The following TTC27 variants were observed in gnomAD, a reference collection of about 807,000 sequenced individuals.
The protein encoded by TTC27 is tetratricopeptide repeat protein 27.
In TTC27, 79 loss-of-function variants were observed where a neutral mutation model predicts 115.9. That is an observed-to-expected ratio of 0.68 (90% confidence interval 0.57 to 0.82). TTC27 has a LOEUF of 0.82. Among genes scored for constraint, TTC27 ranks in the 40% least tolerant of loss-of-function variants. The pLI is 0.00. For missense variants in TTC27, 1,054 were observed against 993.1 expected (o/e 1.06, Z -0.82); for synonymous variants, 401 against 356.0 (o/e 1.13, Z -1.42).
In TTC27 at chr2:32,656,890, T is replaced by C. The variant is rs529218912; in HGVS notation, c.640+6657T>C. Among the ~76,000 whole-genome samples, 290 of 152,346 alleles carry C rather than the reference T, an allele frequency of 1.9e-3. 1 individual carries two copies. Among genetic ancestry groups the C allele is most frequent in the Non-Finnish European group, 3.6e-3 (243 of 68,030 alleles). The stretch of plus-strand genomic sequence containing the variant: ...ATATTGAATCATTCAATAATGATTG[T>C]GTGTCTTCTCTTCTTAGCTACCTAG... On this transcript the variant is annotated intron_variant, in intron 5 of 19. Transcript: ENST00000317907.
intron 7 of TTC27, among the ~76,000 whole-genome samples, chr2:32,670,496 A>G (rs1373039777): frequency 6.6e-6 from 1 of 152,220 alleles, no homozygotes; most frequent in Admixed American, 6.5e-5. Flanking sequence ...AGATTCATCC[A>G]TGTTGAAATA....
intron 10 of TTC27, among the ~76,000 whole-genome samples, chr2:32,717,366 G>A (rs530326329): frequency 6.6e-6 from 1 of 152,200 alleles, no homozygotes; most frequent in Admixed American, 6.5e-5. Context: ...ACACCAAATG[G>A]TGTGATTGGA....
At chr2:32,761,116 T>C (rs1669421533) in intron 13 of TTC27, among the ~76,000 whole-genome samples, 1 of 152,192 alleles carries the variant, frequency 6.6e-6, no homozygotes, top group African/African-American at 2.4e-5. Context: ...ACCTAACATT[T>C]ACAGTATCTG....
At position 32,782,619 on chromosome 2, in the gene TTC27, A is replaced by G. The variant is rs1209284049; in HGVS notation, c.1780-7A>G. The G allele has an allele frequency of 3.7e-6, 6 of 1,611,396 alleles. No individual in the cohort carries two copies. The highest frequency in any genetic ancestry group is 5.1e-6 in the Non-Finnish European group (6 of 1,178,448). On this transcript the variant is annotated splice_polypyrimidine_tract_variant and splice_region_variant and intron_variant, in intron 14 of 19. Transcript: ENST00000317907. Reference sequence around the variant, plus strand: ...GAGTTAATTAACTGTGTTCTCTATCATTTCAGAATGCTGAAGCTTGGAACA... The same window carrying G: ...GAGTTAATTAACTGTGTTCTCTATCGTTTCAGAATGCTGAAGCTTGGAACA...
chr2:32,692,994 A>G (rs146466476), intron 9 of TTC27, among the ~76,000 whole-genome samples: 2,381 of 151,904 alleles, frequency 0.016, 51 homozygotes, highest in African/African-American at 0.056. Flanking sequence ...AAAAAAATCT[A>G]TAAAACATAA....
At chr2:32,659,585 G>A (rs184664735) in intron 5 of TTC27, among the ~76,000 whole-genome samples, 21 of 150,630 alleles carry the variant, frequency 1.4e-4, no homozygotes, top group Admixed American at 6.7e-4. Context: ...TGTGCAGAAC[G>A]TGCAGGTTTG....
At chr2:32,682,844 G>GTTTTTTC (rs142030247) in intron 9 of TTC27, among the ~76,000 whole-genome samples, 1 of 56,988 alleles carries the variant, frequency 1.8e-5, no homozygotes, top group Non-Finnish European at 3.0e-5. Flanking sequence ...AATTTTTATT[G>GTTTTTTC]TTGTTTTTTT....
intron 10 of TTC27, among the ~76,000 whole-genome samples, chr2:32,716,597 C>T (rs867514116): frequency 6.6e-6 from 1 of 152,150 alleles, no homozygotes; most frequent in Non-Finnish European, 1.5e-5. Context: ...GCACACTTTT[C>T]ATCTCCTCTT....
At chr2:32,665,038 G>A (rs982458180) in intron 6 of TTC27, among the ~76,000 whole-genome samples, 7 of 151,540 alleles carry the variant, frequency 4.6e-5, no homozygotes, top group Non-Finnish European at 1.0e-4. Flanking sequence ...GTAGGGATGT[G>A]GTTTCACCAT....
chr2:32,703,328 G>A (rs1208355159), intron 10 of TTC27, among the ~76,000 whole-genome samples: 4 of 152,102 alleles, frequency 2.6e-5, no homozygotes, highest in Non-Finnish European at 4.4e-5. Context: ...TTAGCCAGGC[G>A]TGGTGGTGGG....
rs1302300440 is a variant in TTC27, at chr2:32,758,334, C to G, written c.1495C>G (p.Pro499Ala). Residue 499 changes from proline to alanine, a missense_variant, in exon 13 of 20, where the codon CCT (proline) becomes GCT (alanine). Pro to Ala is a conservative substitution (Grantham distance 27). Coordinates refer to ENST00000317907, the MANE Select transcript of TTC27 (RefSeq NM_017735.5). ...ACAAGAGCTGGAGAAAAAAGAAACG[C>G]CTAGTTTATACTGCTTGCTTGGAGA... The part of the protein sequence containing the change: ...LRQELEKKET[P>A]SLYCLLGDVL... 3 of 1,614,154 alleles carry G rather than the reference C, an allele frequency of 1.9e-6. No individual in the cohort carries two copies. Among genetic ancestry groups the G allele is most frequent in the Non-Finnish European group, 2.5e-6 (3 of 1,180,036 alleles).
intron 16 of TTC27, among the ~76,000 whole-genome samples, chr2:32,802,129 C>CA (rs201988236): frequency 0.014 from 2,121 of 151,014 alleles, 42 homozygotes; most frequent in African/African-American, 0.046. Flanking sequence ...AAAAAAAAAA[C>CA]AGAGATTAAA....
intron 5 of TTC27, among the ~76,000 whole-genome samples, chr2:32,654,987 C>T (rs529800223): frequency 2.1e-5 from 3 of 143,656 alleles, no homozygotes; most frequent in African/African-American, 5.4e-5. Context: ...TGAGCCACTG[C>T]GTCTGGCCTT....
intron 5 of TTC27, among the ~76,000 whole-genome samples, chr2:32,650,698 C>T (rs1447363897): frequency 3.9e-5 from 6 of 151,904 alleles, no homozygotes; most frequent in South Asian, 2.1e-4. Flanking sequence ...TCAAGAAAAG[C>T]GTAAGAAAAC....
intron 4 of TTC27, 121 bp downstream of exon 4, chr2:32,640,531 G>A (rs567375886): frequency 3.8e-6 from 4 of 1,049,822 alleles, no homozygotes; most frequent in South Asian, 1.7e-5. Context: ...TTCTAGGTAT[G>A]TAATTTAAAA....
rs561929400 is a variant in TTC27, at chr2:32,803,057, G to A, written c.1999-7967G>A. On this transcript the variant is annotated intron_variant, in intron 16 of 19. Coordinates refer to ENST00000317907, the MANE Select transcript of TTC27 (RefSeq NM_017735.5). ...GAGGGGCTAAAGCCCAGGACCTAAC[G>A]TGTGACCTTCCTGGTGAGGCTGGGC... Among the ~76,000 whole-genome samples, 4 of 152,304 alleles carry A rather than the reference G, an allele frequency of 2.6e-5. 1 individual carries two copies. The South Asian group carries it at 6.2e-4, about 24-fold the overall frequency.
intron 10 of TTC27, among the ~76,000 whole-genome samples, chr2:32,733,390 C>T (rs1668356697): frequency 6.6e-6 from 1 of 152,154 alleles, no homozygotes; most frequent in South Asian, 2.1e-4. Context: ...ATCAAATAGG[C>T]TACTTTTTCC....
intron 8 of TTC27, among the ~76,000 whole-genome samples, chr2:32,674,398 G>A (rs892247166): frequency 3.3e-5 from 5 of 152,154 alleles, no homozygotes; most frequent in East Asian, 1.9e-4. Context: ...TGATCCGCCC[G>A]CCTCAGCCTC....
intron 5 of TTC27, among the ~76,000 whole-genome samples, chr2:32,658,985 G>C (rs1358940624): frequency 6.6e-6 from 1 of 152,040 alleles, no homozygotes; most frequent in African/African-American, 2.4e-5. Flanking sequence ...TATTTTTAGA[G>C]ACAGGGTCTC....
Sources: allele counts gnomAD v4.1 joint callset (sites outside exome capture counted in the v4.1 genomes callset), GRCh38; gene constraint gnomAD v4.1.1; transcripts MANE v1.5; gene names NCBI Gene and HGNC (gene_info 2026-07-23, HGNC 2026-07-21).